Variants in IL1RAPL1 observed in about 807,000 individuals in gnomAD.
IL1RAPL1 encodes interleukin-1 receptor accessory protein-like 1.
Under a neutral mutation model 48.4 loss-of-function variants are expected in IL1RAPL1, and 3 were observed. That is an observed-to-expected ratio of 0.06 (90% confidence interval 0.03 to 0.16). The LOEUF (loss-of-function observed/expected upper bound fraction) is 0.16, where lower values mean the gene tolerates loss of function less well. Among genes scored for constraint, IL1RAPL1 ranks in the 10% least tolerant of loss-of-function variants. The pLI, the probability that IL1RAPL1 is intolerant of heterozygous loss-of-function variation, is 1.00. For synonymous variants in IL1RAPL1, 185 were observed against 187.7 expected (o/e 0.99, Z 0.12); for missense variants, 349 against 530.6 (o/e 0.66, Z 3.36).
chrX:28,841,176 T>A (rs935914897), intron 2 of IL1RAPL1, among the ~76,000 whole-genome samples: 1 of 111,048 alleles, frequency 9.0e-6, no homozygotes, highest in Non-Finnish European at 1.9e-5. Flanking sequence ...AAGTATGCAA[T>A]ACTTAATATT....
chrX:29,193,495 A>G (rs1930388900), intron 2 of IL1RAPL1, among the ~76,000 whole-genome samples: 1 of 111,334 alleles, frequency 9.0e-6, no homozygotes, highest in African/African-American at 3.2e-5. Context: ...CTTTTAGGAA[A>G]AAATGTACCC....
At chrX:29,901,203 C>T (rs1000745550) in intron 6 of IL1RAPL1, among the ~76,000 whole-genome samples, 26 of 111,756 alleles carry the variant, frequency 2.3e-4, no homozygotes, top group African/African-American at 3.6e-4. Flanking sequence ...CTCGTTGACC[C>T]GGTCTCAGGC....
At chrX:29,117,293 G>A (rs927143414) in intron 2 of IL1RAPL1, among the ~76,000 whole-genome samples, 3 of 111,712 alleles carry the variant, frequency 2.7e-5, no homozygotes, top group East Asian at 2.8e-4. Context: ...GTTATGTGAC[G>A]ACCATACTGT....
chrX:29,157,424 T>G (rs1378112601), intron 2 of IL1RAPL1, among the ~76,000 whole-genome samples: 1 of 111,946 alleles, frequency 8.9e-6, no homozygotes, highest in Non-Finnish European at 1.9e-5. Flanking sequence ...CTTAAAAATA[T>G]ACACACAAAT....
chrX:29,466,941 A>C (rs970726674), intron 5 of IL1RAPL1, among the ~76,000 whole-genome samples: 1 of 110,938 alleles, frequency 9.0e-6, no homozygotes, highest in Non-Finnish European at 1.9e-5. Flanking sequence ...TTACCTGGGA[A>C]CCTGTTAGAG....
intron 2 of IL1RAPL1, among the ~76,000 whole-genome samples, chrX:28,866,515 A>C (rs747275964): frequency 2.1e-5 from 2 of 94,117 alleles, no homozygotes; most frequent in East Asian, 3.5e-4. Context: ...TGTTCCCCCC[A>C]AAAACTATGG....
chrX:28,592,287 G>T, intron 1 of IL1RAPL1, among the ~76,000 whole-genome samples: 1 of 111,975 alleles, frequency 8.9e-6, no homozygotes, highest in East Asian at 2.8e-4. Flanking sequence ...AGGAGTTTCT[G>T]TTTCTGCTAC....
rs1933264505 is a variant in IL1RAPL1 at position 29,949,018 on chromosome X, AGTCTTC to A, written c.1202-5503_1202-5498del. Among the ~76,000 whole-genome samples the A allele has an allele frequency of 2.7e-5, 3 of 111,917 alleles. No individual in the cohort carries two copies. In the South Asian group the frequency reaches 1.1e-3, roughly 41 times the overall value. On this transcript the variant is annotated intron_variant, in intron 9 of 10. Coordinates refer to ENST00000378993, the MANE Select transcript of IL1RAPL1 (RefSeq NM_014271.4). The stretch of plus-strand genomic sequence containing the variant: ...GCCACTACCTTCAACTTGAAAAGTG[AGTCTTC>A]AACCTACATTTTCTTAAAAGCTGTG...
chrX:28,589,078 C>T (rs1402518916), intron 1 of IL1RAPL1, among the ~76,000 whole-genome samples: 1 of 111,503 alleles, frequency 9.0e-6, no homozygotes, highest in Non-Finnish European at 1.9e-5. Context: ...ATATTGATGA[C>T]GTGGTTCAGT....
intron 3 of IL1RAPL1, among the ~76,000 whole-genome samples, chrX:29,364,108 A>G (rs1215675335): frequency 8.9e-6 from 1 of 112,639 alleles, no homozygotes; most frequent in Non-Finnish European, 1.9e-5. Flanking sequence ...AAGAAAACAA[A>G]AAGTTATATT....
At chrX:29,905,866 T>C (rs1932602155) in intron 6 of IL1RAPL1, among the ~76,000 whole-genome samples, 1 of 111,418 alleles carries the variant, frequency 9.0e-6, no homozygotes, top group South Asian at 3.8e-4. Context: ...ACCAAGCAGA[T>C]GTTATGACCA....
rs759983271 is a variant in IL1RAPL1 at position 28,689,835 on chromosome X, C to T, written c.-24-99485C>T. On this transcript the variant is annotated intron_variant, in intron 1 of 10. Transcript: ENST00000378993. ...GAGCAGTCATTATCTAGAATGTTAC[C>T]GGTTACTATGGCAGAAAAAAGAGAG... is the stretch of plus-strand genomic sequence containing the variant. 7.2e-5 allele frequency among the ~76,000 whole-genome samples: 8 copies of T among 111,177 alleles called. No homozygotes were observed. The East Asian group carries it at 1.4e-3, about 20-fold the overall frequency.
chrX:29,005,787 T>C (rs1422206327), intron 2 of IL1RAPL1, among the ~76,000 whole-genome samples: 1 of 111,930 alleles, frequency 8.9e-6, no homozygotes, highest in Non-Finnish European at 1.9e-5. Flanking sequence ...TCACTTCTGG[T>C]TCTAAAATTA....
chrX:29,941,278 C>T (rs1333426329), intron 8 of IL1RAPL1, among the ~76,000 whole-genome samples: 1 of 111,916 alleles, frequency 8.9e-6, no homozygotes, highest in Non-Finnish European at 1.9e-5. Context: ...ATAAGCATAG[C>T]TTCCGGGATC....
intron 5 of IL1RAPL1, among the ~76,000 whole-genome samples, chrX:29,591,107 G>A (rs2147056220): frequency 8.9e-6 from 1 of 111,883 alleles, no homozygotes; most frequent in African/African-American, 3.2e-5. Flanking sequence ...TCAGAGCAGT[G>A]GGAGGGGAGA....
chrX:28,766,360 A>AT (rs1936238450), intron 1 of IL1RAPL1, among the ~76,000 whole-genome samples: 1 of 100,588 alleles, frequency 9.9e-6, no homozygotes, highest in South Asian at 5.0e-4. Context: ...GGTCCAGCAG[A>AT]TTCAAATGAC....
At chrX:29,185,500 T>C (rs2056266465) in intron 2 of IL1RAPL1, among the ~76,000 whole-genome samples, 2 of 112,005 alleles carry the variant, frequency 1.8e-5, no homozygotes, top group African/African-American at 6.5e-5. Context: ...AGTAAAGCAC[T>C]TACCGCAATG....
At chrX:28,635,738 T>C (rs1409476852) in intron 1 of IL1RAPL1, among the ~76,000 whole-genome samples, 1 of 112,014 alleles carries the variant, frequency 8.9e-6, no homozygotes, top group African/African-American at 3.2e-5. Context: ...TTAAACATGG[T>C]TGGAGTTTGC....
At chrX:29,638,363 C>T (rs773325194) in intron 5 of IL1RAPL1, among the ~76,000 whole-genome samples, 1 of 108,823 alleles carries the variant, frequency 9.2e-6, no homozygotes, top group South Asian at 4.2e-4. Flanking sequence ...CCCCGCCTCC[C>T]GGGTTCAAGC....
Sources: gnomAD v4.1 joint callset for allele counts (sites outside exome capture counted in the v4.1 genomes callset) on GRCh38, gnomAD v4.1.1 for gene constraint, MANE v1.5 for transcripts, NCBI Gene and HGNC (gene_info 2026-07-23, HGNC 2026-07-21) for gene names.